Variants in S100Z observed in about 807,000 individuals in gnomAD.
The protein encoded by S100Z is S100 calcium binding protein Z.
Under a neutral mutation model 8.5 loss-of-function variants are expected in S100Z, and 11 were observed. That is an observed-to-expected ratio of 1.30 (90% CI 0.82 to 2.15). The LOEUF is 2.15. Ranked by LOEUF, S100Z falls within the 30% of genes most tolerant of loss-of-function variation. The probability of loss-of-function intolerance (pLI) is 0.00; values close to 1 mark genes in which losing one functional copy is unlikely to be tolerated. For synonymous variants in S100Z, 34 were observed against 43.8 expected (o/e 0.78, Z 0.89); for missense variants, 126 against 117.9 (o/e 1.07, Z -0.32).
the S100Z span, among the ~76,000 whole-genome samples, chr5:76,937,588 T>G: frequency 6.6e-6 from 1 of 151,524 alleles, no homozygotes; most frequent in African/African-American, 2.4e-5. Flanking sequence ...AGACCTTGTC[T>G]CTACCATAAA....
At chr5:76,900,350 T>C (rs1446231701) in intron 4 of S100Z, among the ~76,000 whole-genome samples, 2 of 152,222 alleles carry the variant, frequency 1.3e-5, no homozygotes, top group African/African-American at 4.8e-5. Context: ...CTACCTCCTC[T>C]TTAAGGCTAA....
At chr5:76,893,788 C>T (rs1743945206) in intron 4 of S100Z, among the ~76,000 whole-genome samples, 1 of 152,082 alleles carries the variant, frequency 6.6e-6, no homozygotes, top group Admixed American at 6.6e-5. Flanking sequence ...CTGGAGAATC[C>T]TCTTCTAATA....
intron 4 of S100Z, among the ~76,000 whole-genome samples, chr5:76,914,771 G>A (rs6896257): frequency 0.69 from 104,879 of 151,668 alleles, 37,124 homozygotes; most frequent in African/African-American, 0.84. Context: ...CCACTGGAAG[G>A]AACAAACAAC....
At chr5:76,854,159 T>C (rs1750811055) in intron 1 of S100Z, among the ~76,000 whole-genome samples, 1 of 152,126 alleles carries the variant, frequency 6.6e-6, no homozygotes, top group Admixed American at 6.5e-5. Context: ...TATTTCTTTA[T>C]AGTAGTATGA....
At chr5:76,950,629 T>C in the S100Z span, among the ~76,000 whole-genome samples, 11,939 of 152,220 alleles carry the variant, frequency 0.078, 763 homozygotes, top group African/African-American at 0.18. Context: ...AGAAGCTATC[T>C]GGAAAAATAT....
chr5:76,879,857 G>T (rs867846993), intron 4 of S100Z, among the ~76,000 whole-genome samples: 2 of 152,170 alleles, frequency 1.3e-5, no homozygotes, highest in Non-Finnish European at 2.9e-5. Flanking sequence ...GGTGAAGTAG[G>T]ATGAGAACGA....
chr5:76,931,875 T>TCA, the S100Z span, among the ~76,000 whole-genome samples: 1 of 152,144 alleles, frequency 6.6e-6, no homozygotes, highest in African/African-American at 2.4e-5. Flanking sequence ...ATATACACAT[T>TCA]CACACACACA....
intron 2 of S100Z, among the ~76,000 whole-genome samples, 186 bp from the exon 3 acceptor site, chr5:76,875,118 T>G (rs951607956): frequency 6.6e-6 from 1 of 152,100 alleles, no homozygotes; most frequent in East Asian, 1.9e-4. Context: ...GTCTCGATCT[T>G]CTGACCTTGT....
At chr5:76,917,693 C>T (rs948809792) in intron 4 of S100Z, among the ~76,000 whole-genome samples, 1 of 151,988 alleles carries the variant, frequency 6.6e-6, no homozygotes, top group African/African-American at 2.4e-5. Context: ...TGTAGTGGCA[C>T]ATGCCTGTAA....
At chr5:76,851,665 C>T (rs937307824) in intron 1 of S100Z, among the ~76,000 whole-genome samples, 3 of 152,146 alleles carry the variant, frequency 2.0e-5, no homozygotes, top group African/African-American at 7.2e-5. Context: ...ATGCCAAAAT[C>T]AGTTTGCTGT....
intron 4 of S100Z, among the ~76,000 whole-genome samples, chr5:76,884,077 G>C (rs543207729): frequency 6.6e-6 from 1 of 152,284 alleles, no homozygotes; most frequent in East Asian, 1.9e-4. Context: ...AATTTTTGGA[G>C]CTTTATTTAA....
At chr5:76,881,968 T>G (rs1043009749) in intron 4 of S100Z, among the ~76,000 whole-genome samples, 1 of 152,246 alleles carries the variant, frequency 6.6e-6, no homozygotes, top group South Asian at 2.1e-4. Flanking sequence ...GACCCTTGCA[T>G]AGTGAGGAAA....
At chr5:76,905,625 G>C (rs1215881208) in intron 4 of S100Z, among the ~76,000 whole-genome samples, 1 of 151,960 alleles carries the variant, frequency 6.6e-6, no homozygotes, top group Non-Finnish European at 1.5e-5. Context: ...CGTTATCCAG[G>C]ATGGTCTCGA....
At chr5:76,890,943 A>G (rs112788885) in intron 4 of S100Z, among the ~76,000 whole-genome samples, 2,189 of 152,276 alleles carry the variant, frequency 0.014, 59 homozygotes, top group African/African-American at 0.049. Flanking sequence ...GCTCACTGCA[A>G]CCTTCGCCTC....
chr5:76,951,502 G>A, the S100Z span, among the ~76,000 whole-genome samples: 1 of 152,224 alleles, frequency 6.6e-6, no homozygotes, highest in African/African-American at 2.4e-5. Context: ...GCCAAGGGCT[G>A]TGGCTACATC....
rs781052456 is a variant in S100Z, at chr5:76,875,383, C to T, written c.24C>T (p.Ala8=). MPTQLEM[A]MDTMIRIFHR... ...ACATGCCCACCCAGCTCGAGATGGC[C>T]ATGGACACCATGATTAGAATCTTCC... is the stretch of plus-strand genomic sequence containing the variant. The change falls in exon 3 of 5, where the codon GCC becomes GCT. Residue 8 remains alanine, a synonymous_variant. Coordinates refer to ENST00000317593, the MANE Select transcript of S100Z (RefSeq NM_130772.4). The T allele has an allele frequency of 5.6e-6, 9 of 1,612,882 alleles. No individual in the cohort carries two copies. Among genetic ancestry groups the T allele is most frequent in the Non-Finnish European group, 7.6e-6 (9 of 1,179,408 alleles).
intron 4 of S100Z, among the ~76,000 whole-genome samples, chr5:76,919,625 T>A (rs1309660770): frequency 2.0e-5 from 3 of 148,100 alleles, no homozygotes; most frequent in Non-Finnish European, 3.0e-5. Context: ...TTTTTTTTTT[T>A]AAAGAGATGC....
intron 1 of S100Z, among the ~76,000 whole-genome samples, chr5:76,867,984 T>C (rs1314797988): frequency 6.6e-6 from 1 of 152,160 alleles, no homozygotes; most frequent in Non-Finnish European, 1.5e-5. Flanking sequence ...CATACCAAAA[T>C]TGCAAAGTGC....
chr5:76,938,965 C>T, the S100Z span, among the ~76,000 whole-genome samples: 1 of 152,046 alleles, frequency 6.6e-6, no homozygotes, highest in East Asian at 1.9e-4. Flanking sequence ...ACTTTAAGGA[C>T]CACCTATTAT....
Sources: gnomAD v4.1 joint callset for allele counts (sites outside exome capture counted in the v4.1 genomes callset) on GRCh38, gnomAD v4.1.1 for gene constraint, MANE v1.5 for transcripts, NCBI Gene and HGNC (gene_info 2026-07-23, HGNC 2026-07-21) for gene names.